Variants in RNASE9 observed in about 807,000 individuals in gnomAD.
RNASE9 encodes ribonuclease A family member 9 (inactive).
For synonymous variants in RNASE9, 95 were observed against 87.6 expected (o/e 1.08, Z -0.47); for missense variants, 263 against 247.1 (o/e 1.06, Z -0.43).
chr14:20,557,114 T>C, exon 3 of RNASE9: 1 of 1,550,244 alleles, frequency 6.5e-7, no homozygotes, highest in Non-Finnish European at 8.7e-7. Context: ...TGTTCTATTG[T>C]GATAATGTGC....
intron 1 of RNASE9, chr14:20,560,303 A>G (rs1049142716): frequency 8.5e-5 from 13 of 152,224 alleles, no homozygotes; most frequent in African/African-American, 3.1e-4. Context: ...ACTAAATTAA[A>G]TCTTTTAAAT....
exon 3 of RNASE9, chr14:20,558,030 C>T (rs773731411): frequency 1.1e-5 from 2 of 184,774 alleles, no homozygotes; most frequent in Non-Finnish European, 2.3e-5. Context: ...TAGACTGTAT[C>T]TCTCTCTCTA....
chr14:20,556,600 G>A (rs1250864342), exon 3 of RNASE9: 13 of 1,613,624 alleles, frequency 8.1e-6, no homozygotes, highest in Non-Finnish European at 1.1e-5. Flanking sequence ...CCTATAAAGT[G>A]ATTCGTATTT....
At chr14:20,557,692 T>C (rs2138858010) in exon 3 of RNASE9, 1 of 152,944 alleles carries the variant, frequency 6.5e-6, no homozygotes, top group Admixed American at 6.5e-5. Flanking sequence ...GAAGTCACCC[T>C]AAAGTAAAAA....
exon 3 of RNASE9, chr14:20,556,702 C>T (rs531497281): frequency 1.9e-6 from 3 of 1,613,898 alleles, no homozygotes; most frequent in African/African-American, 1.3e-5. Context: ...TCCATTCTTA[C>T]ATGGCACAAA....
exon 3 of RNASE9, chr14:20,556,926 C>G (rs1312588190): frequency 1.2e-6 from 2 of 1,613,910 alleles, no homozygotes; most frequent in Non-Finnish European, 1.7e-6. Flanking sequence ...AAAATTTTTC[C>G]AAACACTCTT....
chr14:20,556,609 T>C lies in RNASE9; in HGVS notation c.461A>G (p.Lys154Arg), dbSNP rs574617651. The change falls in exon 3 of 3, where the codon AAA (lysine) becomes AGA (arginine). Residue 154 changes from lysine (K) to arginine (R), a missense_variant. Coordinates refer to ENST00000555230, the Ensembl canonical transcript of RNASE9. ...GCCCTTCCTATAAAGTGATTCGTAT[T>C]TACACGCTGGTATTTCAAATGCTTC... 13 of 1,613,892 alleles carry C rather than the reference T, an allele frequency of 8.1e-6. No individual in the cohort carries two copies. The South Asian group carries it at 1.4e-4, about 18-fold the overall frequency.
In RNASE9 at chr14:20,556,779, A is replaced by ATT; in HGVS notation, c.290_291insAA (p.Trp98IlefsTer41). 1 of 1,613,810 alleles carries ATT rather than the reference A, an allele frequency of 6.2e-7. No individual in the cohort carries two copies. The highest frequency in any genetic ancestry group is 1.1e-5 in the South Asian group (1 of 91,064). On this transcript the variant is annotated frameshift_variant, in exon 3 of 3. Coordinates refer to ENST00000555230, the Ensembl canonical transcript of RNASE9. LOFTEE classifies it low-confidence loss of function (END_TRUNC). ...GAAGGAAGTAATGTTCTGCCACCCA[A>ATT]CGGTGTTTGTAGTAAACATTTTTTC...
At chr14:20,556,953 ATCT>A (rs1883727320) in exon 3 of RNASE9, 7 of 1,613,870 alleles carry the variant, frequency 4.3e-6, no homozygotes, top group Admixed American at 3.3e-5. Context: ...CTTCTTTTTT[ATCT>A]TCTTCTGGGA....
chr14:20,556,474 C>G (rs1883691912), exon 3 of RNASE9: 1 of 1,611,600 alleles, frequency 6.2e-7, no homozygotes, highest in African/African-American at 1.3e-5. Context: ...GACAAAGACA[C>G]CATCCTCACT....
At position 20,556,665 on chromosome 14, in the gene RNASE9, AC is replaced by A. The variant is rs1370518662; in HGVS notation, c.404del (p.Gly135ValfsTer3). ...AATTACAATACACTCCTTCTACAAG[AC>A]CTTTGCTCCTGTTACATTTCCTAAT... is the stretch of plus-strand genomic sequence containing the variant. On this transcript the variant is annotated frameshift_variant, in exon 3 of 3. Transcript: ENST00000555230. LOFTEE classifies it low-confidence loss of function (END_TRUNC). 6.2e-7 allele frequency: 1 copy of A among 1,613,354 alleles called. No individual in the cohort carries two copies. The highest frequency in any genetic ancestry group is 8.5e-7 in the Non-Finnish European group (1 of 1,179,500).
exon 3 of RNASE9, chr14:20,558,263 A>C: frequency 1.8e-6 from 1 of 548,924 alleles, no homozygotes; most frequent in Non-Finnish European, 3.3e-6. Flanking sequence ...ACCTTGATCT[A>C]TCAGTGATGG....
At chr14:20,560,913 G>C (rs965748105) in exon 1 of RNASE9, 1 of 152,108 alleles carries the variant, frequency 6.6e-6, no homozygotes, top group Non-Finnish European at 1.5e-5. Context: ...ACAGAAGTTG[G>C]AAGTCCAAGA....
exon 3 of RNASE9, chr14:20,556,568 A>G: frequency 6.2e-7 from 1 of 1,613,970 alleles, no homozygotes; most frequent in South Asian, 1.1e-5. Context: ...TGCCATGAAC[A>G]AGTGATAAGG....
chr14:20,556,525 A>C (rs768399079), exon 3 of RNASE9: 22 of 1,613,760 alleles, frequency 1.4e-5, no homozygotes, highest in Non-Finnish European at 1.7e-5. Context: ...GAGATCATTT[A>C]TAGTATGAGG....
At chr14:20,558,606 G>A (rs991350649) in exon 3 of RNASE9, 30 of 1,549,986 alleles carry the variant, frequency 1.9e-5, no homozygotes, top group South Asian at 2.4e-5. Flanking sequence ...CAGAGAGCTC[G>A]GAACATACTC....
exon 3 of RNASE9, chr14:20,556,966 A>G (rs757869534): frequency 1.9e-6 from 3 of 1,614,130 alleles, no homozygotes; most frequent in East Asian, 2.2e-5. Flanking sequence ...TTCTTCTGGG[A>G]AATCAAAATC....
exon 3 of RNASE9, chr14:20,557,228 T>C (rs2138857277): frequency 1.4e-6 from 1 of 711,490 alleles, no homozygotes; most frequent in East Asian, 2.7e-5. Flanking sequence ...TCGATCTGAA[T>C]ACTTCTAAAT....
At chr14:20,558,380 C>T (rs1442064036) in exon 3 of RNASE9, 1 of 682,362 alleles carries the variant, frequency 1.5e-6, no homozygotes, top group Non-Finnish European at 2.7e-6. Flanking sequence ...GGGAACACAT[C>T]AGAAAGTAGA....
Sources: allele counts gnomAD v4.1 joint callset, GRCh38; gene constraint gnomAD v4.1.1; transcripts MANE v1.5; gene names NCBI Gene and HGNC (gene_info 2026-07-23, HGNC 2026-07-21).